The following FAM227A variants were observed in gnomAD, a reference collection of about 807,000 sequenced individuals.
The protein encoded by FAM227A is protein FAM227A.
In FAM227A, 80 loss-of-function variants were observed where a neutral mutation model predicts 74.7. The ratio of observed to expected loss-of-function variants is 1.07; its 90% CI spans 0.89 to 1.29. The LOEUF is 1.29. Among genes scored for constraint, FAM227A ranks in the 50% most tolerant of loss-of-function variants. The pLI, the probability that FAM227A is intolerant of heterozygous loss-of-function variation, is 0.00. For synonymous variants in FAM227A, 237 were observed against 241.8 expected, an observed-to-expected ratio of 0.98 and a Z score of 0.19; for missense variants, 654 against 683.4, an observed-to-expected ratio of 0.96 and a Z score of 0.48.
At chr22:38,646,345 C>T (rs1160343286) in intron 2 of FAM227A, among the ~76,000 whole-genome samples, 8 of 142,528 alleles carry the variant, frequency 5.6e-5, no homozygotes, top group Non-Finnish European at 7.6e-5. Flanking sequence ...CTGCAAGCTC[C>T]GCCTCCCGGG....
chr22:38,607,367 C>T (rs753600349), intron 12 of FAM227A, 22 bp downstream of exon 12: 26 of 1,515,500 alleles, frequency 1.7e-5, no homozygotes, highest in Non-Finnish European at 2.2e-5. Flanking sequence ...GCCTACATTT[C>T]CCTTTTTGGT....
intron 3 of FAM227A, among the ~76,000 whole-genome samples, chr22:38,642,900 C>T (rs1044530352): frequency 2.0e-5 from 3 of 152,136 alleles, no homozygotes; most frequent in Admixed American, 6.5e-5. Context: ...TGCACCACTG[C>T]ACTCTAGCCT....
chr22:38,608,036 G>C (rs2050699682), intron 11 of FAM227A, among the ~76,000 whole-genome samples: 2 of 151,260 alleles, frequency 1.3e-5, no homozygotes, highest in Admixed American at 6.6e-5. Flanking sequence ...TTGTTATAGA[G>C]AGGCAATAGA....
In FAM227A at chr22:38,580,620, A is replaced by T. The variant is rs1020336036; in HGVS notation, c.*5505T>A. 2 of 152,232 alleles carry T rather than the reference A, an allele frequency of 1.3e-5. No individual in the cohort carries two copies. The highest frequency in any genetic ancestry group is 2.9e-5 in the Non-Finnish European group (2 of 68,030). The allele number at this position is 152,232 out of a possible 1,614,324, so 9.4% of individuals were successfully genotyped here. On this transcript the variant is annotated 3_prime_UTR_variant, in exon 17 of 17. Transcript: ENST00000535113. ...GTCTATCATTATTTCTGAATTTATT[A>T]GGTGGATTGTTTCTAAAGACAAGTT...
At chr22:38,620,429 C>A in intron 10 of FAM227A, 138 bp from the exon 11 acceptor site, 1 of 658,474 alleles carries the variant, frequency 1.5e-6, no homozygotes, top group Admixed American at 2.5e-5. Context: ...ACTCCACCTG[C>A]TGGGCAAGTT....
At chr22:38,607,772 G>A (rs938559517) in intron 11 of FAM227A, among the ~76,000 whole-genome samples, 1 of 152,100 alleles carries the variant, frequency 6.6e-6, no homozygotes, top group Non-Finnish European at 1.5e-5. Context: ...CCTCTTTACC[G>A]CCTTGGTTTC....
chr22:38,591,509 C>T lies in FAM227A; in HGVS notation c.1564G>A (p.Asp522Asn), dbSNP rs761598593. 1 of 1,547,946 alleles carries T rather than the reference C, an allele frequency of 6.5e-7. No individual in the cohort carries two copies. The highest frequency in any genetic ancestry group is 8.7e-7 in the Non-Finnish European group (1 of 1,145,714). ...AACATGTGGTTTGCCTTTTTTGTAT[C>T]TGCTGCTTTTGGATCAATATTCTTC... ...EMKNIDPKAA[D>N]TKKANHMFIP... The change falls in exon 16 of 17, where the codon GAT becomes AAT. Residue 522 changes from aspartate to asparagine, a missense_variant. Coordinates refer to ENST00000535113, the MANE Select transcript of FAM227A (RefSeq NM_001013647.2).
rs143923522 is a variant in FAM227A at position 38,651,849 on chromosome 22, T to C, written c.-94-1587A>G. Among the ~76,000 whole-genome samples the C allele has an allele frequency of 1.7e-3, 263 of 152,264 alleles. 3 individuals are homozygous for C. Among genetic ancestry groups the C allele is most frequent in the South Asian group, 7.7e-3 (37 of 4,828 alleles). Reference sequence around the variant, plus strand: ...AAGAGTAAGAAACCTTCTGCCCTCATGGAGCACACATTCTGGCAGTCAAGA... The same window carrying C: ...AAGAGTAAGAAACCTTCTGCCCTCACGGAGCACACATTCTGGCAGTCAAGA... On this transcript the variant is annotated intron_variant, in intron 1 of 16. Transcript: ENST00000535113.
At chr22:38,621,360 AAAAG>A (rs1251338511) in intron 10 of FAM227A, among the ~76,000 whole-genome samples, 4 of 150,608 alleles carry the variant, frequency 2.7e-5, no homozygotes, top group East Asian at 1.9e-4. Flanking sequence ...AAAAAAAAAA[AAAAG>A]AAAGAAAAGA....
chr22:38,582,403 T>A lies in FAM227A; in HGVS notation c.*3722A>T. The A allele has an allele frequency of 6.5e-7, 1 of 1,550,344 alleles. No homozygotes were observed. The highest frequency in any genetic ancestry group is 8.7e-7 in the Non-Finnish European group (1 of 1,146,674). ...TGAGAGTATGGGTTTTCAGCAACAC[T>A]GGGAATGACAGAATTAGAATATCAT... On this transcript the variant is annotated 3_prime_UTR_variant, in exon 17 of 17. Coordinates refer to ENST00000535113, the MANE Select transcript of FAM227A (RefSeq NM_001013647.2).
chr22:38,644,679 C>T (rs1256916620), intron 3 of FAM227A, among the ~76,000 whole-genome samples: 2 of 152,168 alleles, frequency 1.3e-5, no homozygotes, highest in East Asian at 3.8e-4. Flanking sequence ...ACTAATGTGC[C>T]ACTATCTTAT....
chr22:38,650,964 A>G (rs552696727), intron 1 of FAM227A, among the ~76,000 whole-genome samples: 1 of 152,314 alleles, frequency 6.6e-6, no homozygotes, highest in South Asian at 2.1e-4. Context: ...AAGGACAGAG[A>G]AAACGTTGAG....
At chr22:38,626,057 A>T in intron 9 of FAM227A, 123 bp downstream of exon 9, 1 of 994,534 alleles carries the variant, frequency 1.0e-6, no homozygotes. Context: ...CTTTAATGTT[A>T]AGGAGAGAAA....
chr22:38,592,677 G>A (rs1323475280), intron 15 of FAM227A, among the ~76,000 whole-genome samples: 2 of 152,192 alleles, frequency 1.3e-5, no homozygotes, highest in South Asian at 2.1e-4. Flanking sequence ...TTGAGACCCT[G>A]TCACTATGAA....
At position 38,650,040 on chromosome 22, in the gene FAM227A, C is replaced by T. The variant is rs1002971289; in HGVS notation, c.129G>A (p.Glu43=). ...CCAGAAGGATACAGGGTGGATTGTT[C>T]TCTAACTCCTTCCTCACAGTCTTCA... is the stretch of plus-strand genomic sequence containing the variant. ...TMVKTVRKEL[E]NNPPSCLIGS... The change falls in exon 2 of 17, where the codon GAG becomes GAA. Residue 43 remains glutamate, a synonymous_variant. Transcript: ENST00000535113. The T allele has an allele frequency of 1.3e-6, 2 of 1,552,096 alleles. No individual in the cohort carries two copies. Among genetic ancestry groups the T allele is most frequent in the African/African-American group, 2.7e-5 (2 of 73,024 alleles).
At chr22:38,618,432 C>T (rs1408082832) in intron 11 of FAM227A, 1 of 152,196 alleles carries the variant, frequency 6.6e-6, no homozygotes, top group Admixed American at 6.5e-5. Flanking sequence ...GCCTAAACCT[C>T]TTTTCCTTTG....
At chr22:38,589,855 C>A (rs899973092) in intron 16 of FAM227A, among the ~76,000 whole-genome samples, 2 of 152,124 alleles carry the variant, frequency 1.3e-5, no homozygotes, top group Admixed American at 6.6e-5. Context: ...AATCCCAGCA[C>A]TTTGGGAGGC....
intron 15 of FAM227A, among the ~76,000 whole-genome samples, chr22:38,592,066 A>G (rs143255884): frequency 6.6e-6 from 1 of 151,468 alleles, no homozygotes; most frequent in Non-Finnish European, 1.5e-5. Context: ...CTCCTGCCTC[A>G]GCCTCCCGAG....
rs1241688027 is a variant in FAM227A at position 38,597,285 on chromosome 22, A to G, written c.1451T>C (p.Leu484Pro). ...CCAATGATGCTGGTACAACTGATTGAGGTTGTCTTTCCGCTTCTTCATGCT... is the reference window on the plus strand; with the variant it reads ...CCAATGATGCTGGTACAACTGATTGGGGTTGTCTTTCCGCTTCTTCATGCT... Reference protein sequence around the residue: ...LCSMKKRKDNLNQLYQHHWTE... With the variant: ...LCSMKKRKDNPNQLYQHHWTE... The change falls in exon 15 of 17, where the codon CTC becomes CCC. Residue 484 changes from leucine to proline, a missense_variant. By Grantham distance (98) the Leu-to-Pro change is moderately conservative. Transcript: ENST00000535113. The G allele has an allele frequency of 1.9e-6, 3 of 1,551,878 alleles. No homozygotes were observed. Among genetic ancestry groups the G allele is most frequent in the Non-Finnish European group, 2.6e-6 (3 of 1,146,882 alleles).
Sources: gnomAD v4.1 joint callset for allele counts (sites outside exome capture counted in the v4.1 genomes callset) on GRCh38, gnomAD v4.1.1 for gene constraint, MANE v1.5 for transcripts, NCBI Gene and HGNC (gene_info 2026-07-23, HGNC 2026-07-21) for gene names.